FMN2: variants seen among roughly 807,000 people sequenced by gnomAD.
The protein encoded by FMN2 is formin-2.
FMN2 carries 51 observed loss-of-function variants against 142.3 expected under a neutral mutation model. The observed-to-expected ratio is 0.36, with a 90% CI of 0.29 to 0.45. The LOEUF is 0.45. Among genes scored for constraint, FMN2 ranks in the 20% least tolerant of loss-of-function variants. The pLI, the probability that FMN2 is intolerant of heterozygous loss-of-function variation, is 1.00. For missense variants in FMN2, 1,936 were observed against 2,122.8 expected (o/e 0.91, Z 1.73); for synonymous variants, 882 against 869.8 (o/e 1.01, Z -0.25).
At chr1:240,462,093 C>T (rs571144923) in intron 16 of FMN2, among the ~76,000 whole-genome samples, 1 of 152,300 alleles carries the variant, frequency 6.6e-6, no homozygotes, top group Admixed American at 6.5e-5. Context: ...CTTCCTTGAG[C>T]ATGTTTGTTC....
In FMN2 at chr1:240,219,293, C is replaced by T. The variant is rs575044162; in HGVS notation, c.4065+8058C>T. 2.7e-3 allele frequency among the ~76,000 whole-genome samples: 412 copies of T among 152,242 alleles called. 3 individuals are homozygous for T. In the South Asian group the frequency reaches 0.027, roughly 10 times the overall value. On this transcript the variant is annotated intron_variant, in intron 6 of 17. Coordinates refer to ENST00000319653, the MANE Select transcript of FMN2 (RefSeq NM_020066.5). The stretch of plus-strand genomic sequence containing the variant: ...CTTATTTTGGTGTCACGGTATGAAA[C>T]AGCAGGATGTATCCTTCTTTACCAT...
intron 4 of FMN2, 71 bp from the exon 5 acceptor site, chr1:240,206,728 T>A: frequency 1.3e-6 from 2 of 1,503,112 alleles, no homozygotes; most frequent in Non-Finnish European, 8.9e-7. Flanking sequence ...GATATAATTT[T>A]GCTTAATTTT....
chr1:240,208,349 A>C lies in FMN2; in HGVS notation c.3537A>C (p.Leu1179=). ...PGAGIPPPPP[L]PGVGIPPPPP... ...CGGGCATACCCCCTCCGCCCCCTCT[A>C]CCTGGAGTGGGAATACCTCCTCCGC... Residue 1179 remains leucine, a synonymous_variant, in exon 5 of 18, where the codon CTA becomes CTC. Coordinates refer to ENST00000319653, the MANE Select transcript of FMN2 (RefSeq NM_020066.5). The C allele has an allele frequency of 7.3e-7, 1 of 1,376,070 alleles. No homozygotes were observed. The highest frequency in any genetic ancestry group is 2.8e-5 in the East Asian group (1 of 35,554). The allele number at this position is 1,376,070 out of a possible 1,614,324, so 85.2% of individuals were successfully genotyped here. A position where few individuals can be genotyped will look rare whatever the true frequency, so the allele number is the denominator to read the frequency against.
chr1:240,137,286 G>A (rs1324254501), intron 2 of FMN2, among the ~76,000 whole-genome samples: 3 of 152,056 alleles, frequency 2.0e-5, no homozygotes, highest in South Asian at 4.1e-4. Context: ...GGGTTGGCAA[G>A]TTTTTCTGTA....
At chr1:240,310,883 G>T (rs1670581763) in intron 8 of FMN2, among the ~76,000 whole-genome samples, 1 of 152,074 alleles carries the variant, frequency 6.6e-6, no homozygotes, top group African/African-American at 2.4e-5. Context: ...CAGTTGCATT[G>T]TGTTTTTCTG....
intron 6 of FMN2, among the ~76,000 whole-genome samples, chr1:240,234,714 C>G (rs1667641952): frequency 6.6e-6 from 1 of 152,160 alleles, no homozygotes; most frequent in Admixed American, 6.5e-5. Context: ...CATGTTGAAT[C>G]ACGTTGAGTC....
At chr1:240,387,961 A>G (rs1673458711) in intron 14 of FMN2, among the ~76,000 whole-genome samples, 3 of 151,986 alleles carry the variant, frequency 2.0e-5, no homozygotes. Context: ...GTGGATCACG[A>G]GGTCAGGAGA....
chr1:240,170,536 G>C, intron 2 of FMN2: 1 of 1,548,684 alleles, frequency 6.5e-7, no homozygotes, highest in Non-Finnish European at 8.9e-7. Flanking sequence ...GAAAGGATTA[G>C]TGCCAGATGG....
intron 7 of FMN2, among the ~76,000 whole-genome samples, chr1:240,284,995 T>C (rs1669536231): frequency 6.6e-6 from 1 of 152,140 alleles, no homozygotes; most frequent in Non-Finnish European, 1.5e-5. Flanking sequence ...TAAATTTGTC[T>C]AAATTTCTTG....
intron 8 of FMN2, among the ~76,000 whole-genome samples, chr1:240,324,847 G>T (rs1671107305): frequency 6.6e-6 from 1 of 152,220 alleles, no homozygotes; most frequent in African/African-American, 2.4e-5. Context: ...AGTTGTGGGG[G>T]TATTTACTTA....
At chr1:240,357,946 T>C (rs1393395933) in intron 14 of FMN2, among the ~76,000 whole-genome samples, 1 of 91,060 alleles carries the variant, frequency 1.1e-5, no homozygotes, top group Non-Finnish European at 1.9e-5. Context: ...AACTCAGATA[T>C]TAACTTTTTT....
intron 2 of FMN2, 109 bp downstream of exon 2, chr1:240,123,454 A>G: frequency 8.6e-7 from 1 of 1,156,808 alleles, no homozygotes; most frequent in Non-Finnish European, 1.2e-6. Context: ...CATGTGATTC[A>G]AGCATTTTTT....
At chr1:240,341,495 A>G (rs1386217247) in intron 13 of FMN2, 3 of 151,978 alleles carry the variant, frequency 2.0e-5, no homozygotes, top group African/African-American at 7.2e-5. Flanking sequence ...AAAAGTCAGG[A>G]AATTATGGCC....
chr1:240,276,487 G>T (rs1210130592), intron 7 of FMN2, among the ~76,000 whole-genome samples: 1 of 152,134 alleles, frequency 6.6e-6, no homozygotes, highest in East Asian at 1.9e-4. Flanking sequence ...CTACCTTGGG[G>T]GTTAAGTAGA....
At chr1:240,155,491 G>A (rs1663986004) in intron 2 of FMN2, among the ~76,000 whole-genome samples, 1 of 152,100 alleles carries the variant, frequency 6.6e-6, no homozygotes, top group Non-Finnish European at 1.5e-5. Context: ...TATGTTGCCA[G>A]GTTGGTCTCA....
At chr1:240,351,156 T>A (rs1672085738) in intron 13 of FMN2, among the ~76,000 whole-genome samples, 1 of 152,230 alleles carries the variant, frequency 6.6e-6, no homozygotes, top group African/African-American at 2.4e-5. Flanking sequence ...TTTAAAAACA[T>A]CTTTTTACTT....
At chr1:240,397,632 T>C (rs1208898592) in intron 15 of FMN2, among the ~76,000 whole-genome samples, 7 of 151,400 alleles carry the variant, frequency 4.6e-5, no homozygotes, top group Non-Finnish European at 1.0e-4. Context: ...CTACTAAAAA[T>C]ACAAAAAATT....
At chr1:240,437,745 C>T (rs987451196) in intron 15 of FMN2, among the ~76,000 whole-genome samples, 2 of 152,098 alleles carry the variant, frequency 1.3e-5, no homozygotes, top group Non-Finnish European at 1.5e-5. Context: ...AGTATAGGCC[C>T]GCCACTTTCA....
intron 7 of FMN2, among the ~76,000 whole-genome samples, chr1:240,288,273 C>G (rs949287750): frequency 3.3e-5 from 5 of 152,114 alleles, no homozygotes; most frequent in Admixed American, 6.5e-5. Flanking sequence ...CAGAACGTAT[C>G]TCATATGATC....
Sources: gnomAD v4.1 joint callset for allele counts (sites outside exome capture counted in the v4.1 genomes callset) on GRCh38, gnomAD v4.1.1 for gene constraint, MANE v1.5 for transcripts, NCBI Gene and HGNC (gene_info 2026-07-23, HGNC 2026-07-21) for gene names.